OR2L13: variants seen among roughly 807,000 people sequenced by gnomAD.
OR2L13 encodes the protein olfactory receptor family 2 subfamily L member 13.
A neutral mutation model predicts 15.3 loss-of-function variants in OR2L13; 14 were observed. The ratio of observed to expected loss-of-function variants is 0.91; its 90% CI spans 0.60 to 1.43. OR2L13 has a LOEUF of 1.43. Among genes scored for constraint, OR2L13 ranks in the 40% most tolerant of loss-of-function variants. OR2L13 has a pLI of 0.00. For missense variants in OR2L13, 367 were observed against 387.9 expected, an observed-to-expected ratio of 0.95 and a Z score of 0.45; for synonymous variants, 152 against 142.9, an observed-to-expected ratio of 1.06 and a Z score of -0.45.
the OR2L13 span, among the ~76,000 whole-genome samples, chr1:247,956,491 G>A: frequency 6.7e-6 from 1 of 150,220 alleles, no homozygotes; most frequent in African/African-American, 2.4e-5. Flanking sequence ...AAAGTCATTG[G>A]TAGCTTGATG....
At chr1:248,058,120 T>G in the OR2L13 span, among the ~76,000 whole-genome samples, 19 of 152,300 alleles carry the variant, frequency 1.2e-4, no homozygotes, top group South Asian at 3.7e-3. Flanking sequence ...TGTCACATAA[T>G]TTTTACATCA....
the OR2L13 span, among the ~76,000 whole-genome samples, chr1:248,018,034 A>G: frequency 6.6e-6 from 1 of 152,038 alleles, no homozygotes; most frequent in Admixed American, 6.6e-5. Flanking sequence ...GGGCCCCTGT[A>G]ATCCCAGCTA....
the OR2L13 span, chr1:248,041,238 G>T: frequency 1.3e-5 from 2 of 152,090 alleles, no homozygotes; most frequent in Non-Finnish European, 2.9e-5. Flanking sequence ...TGACAAACCT[G>T]AGAAAAACAA....
chr1:248,000,724 A>T, the OR2L13 span, among the ~76,000 whole-genome samples: 1 of 151,996 alleles, frequency 6.6e-6, no homozygotes, highest in African/African-American at 2.4e-5. Context: ...AATGTCTTTC[A>T]TTTAGAGTTT....
the OR2L13 span, among the ~76,000 whole-genome samples, chr1:247,992,275 A>G: frequency 2.3e-5 from 3 of 129,920 alleles, no homozygotes; most frequent in African/African-American, 9.1e-5. Context: ...TATAATACAT[A>G]TAAGATACAA....
the OR2L13 span, among the ~76,000 whole-genome samples, chr1:248,073,364 G>T: frequency 1.3e-5 from 2 of 151,950 alleles, no homozygotes; most frequent in Non-Finnish European, 2.9e-5. Context: ...TTCTCAGTAA[G>T]CTATCGCAAG....
At chr1:247,960,002 G>A in the OR2L13 span, among the ~76,000 whole-genome samples, 1 of 152,202 alleles carries the variant, frequency 6.6e-6, no homozygotes, top group African/African-American at 2.4e-5. Flanking sequence ...TTCCTTTGGA[G>A]GAGGAGAGGC....
At chr1:248,049,619 C>T in the OR2L13 span, among the ~76,000 whole-genome samples, 16 of 151,938 alleles carry the variant, frequency 1.1e-4, no homozygotes, top group African/African-American at 2.7e-4. Context: ...CTGGGTGATA[C>T]GAGGAAACGG....
the OR2L13 span, among the ~76,000 whole-genome samples, chr1:247,972,563 A>G: frequency 6.6e-6 from 1 of 152,202 alleles, no homozygotes; most frequent in African/African-American, 2.4e-5. Context: ...AGACTAAACC[A>G]GGAAGAAGTC....
At chr1:247,970,919 C>G in the OR2L13 span, among the ~76,000 whole-genome samples, 21,253 of 152,090 alleles carry the variant, frequency 0.14, 3,969 homozygotes, top group African/African-American at 0.43. Flanking sequence ...AAGAACCATT[C>G]TTCCTATGTA....
the OR2L13 span, among the ~76,000 whole-genome samples, chr1:248,017,426 A>G: frequency 6.6e-6 from 1 of 152,184 alleles, no homozygotes; most frequent in Non-Finnish European, 1.5e-5. Flanking sequence ...GAGATGCTAC[A>G]CTGGTGTTCA....
At chr1:247,982,268 C>A in the OR2L13 span, among the ~76,000 whole-genome samples, 1 of 152,162 alleles carries the variant, frequency 6.6e-6, no homozygotes, top group African/African-American at 2.4e-5. Flanking sequence ...GACCATCCTC[C>A]TTGGTTCCCA....
the OR2L13 span, among the ~76,000 whole-genome samples, chr1:248,013,470 A>G: frequency 0.024 from 3,697 of 152,266 alleles, 102 homozygotes; most frequent in Admixed American, 0.08. Context: ...AGAATGTCCA[A>G]AGTCTCAGTG....
At chr1:248,029,997 C>G in the OR2L13 span, 1 of 152,132 alleles carries the variant, frequency 6.6e-6, no homozygotes, top group Non-Finnish European at 1.5e-5. Flanking sequence ...CAGTGAATAC[C>G]AGCAAAACAA....
the OR2L13 span, among the ~76,000 whole-genome samples, chr1:247,986,236 TG>T: frequency 6.6e-6 from 1 of 152,244 alleles, no homozygotes; most frequent in Non-Finnish European, 1.5e-5. Context: ...AGAGTTTTTA[TG>T]GTTTTAAGTC....
the OR2L13 span, among the ~76,000 whole-genome samples, chr1:248,088,555 C>T: frequency 6.6e-6 from 1 of 152,022 alleles, no homozygotes; most frequent in Admixed American, 6.5e-5. Context: ...ATTCTCCATC[C>T]ATGTTCATTG....
chr1:248,053,685 G>T, the OR2L13 span, among the ~76,000 whole-genome samples: 1 of 152,130 alleles, frequency 6.6e-6, no homozygotes, highest in South Asian at 2.1e-4. Flanking sequence ...TTATGGTTTT[G>T]ATTTGCATTT....
chr1:248,080,063 A>G, the OR2L13 span, among the ~76,000 whole-genome samples: 1 of 152,172 alleles, frequency 6.6e-6, no homozygotes, highest in Non-Finnish European at 1.5e-5. Context: ...TTGTGAAGGT[A>G]TCGACTTGGA....
At chr1:248,002,157 A>G in the OR2L13 span, among the ~76,000 whole-genome samples, 1 of 152,186 alleles carries the variant, frequency 6.6e-6, no homozygotes, top group Non-Finnish European at 1.5e-5. Context: ...CTGAAAATAA[A>G]TTGCTCTGCA....
Sources: allele counts gnomAD v4.1 joint callset (sites outside exome capture counted in the v4.1 genomes callset), GRCh38; gene constraint gnomAD v4.1.1; transcripts MANE v1.5; gene names NCBI Gene and HGNC (gene_info 2026-07-23, HGNC 2026-07-21).